Variants in CSMD1 observed in about 807,000 individuals in gnomAD.
The protein encoded by CSMD1 is CUB and sushi domain-containing protein 1.
Under a neutral mutation model 417.5 loss-of-function variants are expected in CSMD1, and 213 were observed. That is an observed-to-expected ratio of 0.51 (90% CI 0.46 to 0.57). CSMD1 has a LOEUF of 0.57. Ranked by LOEUF, CSMD1 falls within the 20% of genes least tolerant of loss-of-function variation. CSMD1 has a pLI of 0.00. For synonymous variants in CSMD1, 2,862 were observed against 1,736.8 expected (o/e 1.65, Z -16.11); for missense variants, 6,923 against 4,529.7 (o/e 1.53, Z -15.17).
chr8:2,962,402 G>A (rs1315964321), intron 61 of CSMD1, 64 bp downstream of exon 61: 74 of 1,424,498 alleles, frequency 5.2e-5, no homozygotes, highest in Non-Finnish European at 6.8e-5. Flanking sequence ...ACCCAATTTC[G>A]GAATGAAGCG....
At chr8:3,665,416 C>G (rs1276569119) in intron 7 of CSMD1, among the ~76,000 whole-genome samples, 3 of 152,110 alleles carry the variant, frequency 2.0e-5, no homozygotes, top group Non-Finnish European at 2.9e-5. Context: ...GTAATACCAG[C>G]TACTCCGGAG....
intron 12 of CSMD1, among the ~76,000 whole-genome samples, chr8:3,414,521 C>T (rs186150465): frequency 2.5e-4 from 38 of 152,218 alleles, no homozygotes; most frequent in Non-Finnish European, 4.1e-4. Context: ...GTCCTCTCAT[C>T]GCTCCCCATG....
At chr8:3,892,189 A>C (rs531797801) in intron 5 of CSMD1, among the ~76,000 whole-genome samples, 1 of 152,164 alleles carries the variant, frequency 6.6e-6, no homozygotes, top group Non-Finnish European at 1.5e-5. Context: ...CCTGCTTCCA[A>C]TGTGTAGCCC....
chr8:4,792,289 A>T (rs1035307815), intron 1 of CSMD1, among the ~76,000 whole-genome samples: 15 of 152,302 alleles, frequency 9.8e-5, no homozygotes, highest in Middle Eastern at 3.4e-3. Flanking sequence ...CACCCCTATA[A>T]AGGTGCATGG....
intron 1 of CSMD1, among the ~76,000 whole-genome samples, chr8:4,943,997 T>C (rs373437442): frequency 4.6e-5 from 7 of 152,106 alleles, no homozygotes; most frequent in African/African-American, 1.7e-4. Flanking sequence ...GCGGTTGTAT[T>C]TGAGTAGTAA....
chr8:4,045,513 G>A (rs572746745), intron 3 of CSMD1, among the ~76,000 whole-genome samples: 17 of 152,296 alleles, frequency 1.1e-4, no homozygotes, highest in African/African-American at 1.9e-4. Context: ...CAGATCCAGG[G>A]ACATCATGGG....
chr8:4,376,386 T>G (rs745450861), intron 3 of CSMD1, among the ~76,000 whole-genome samples: 1 of 152,204 alleles, frequency 6.6e-6, no homozygotes, highest in Admixed American at 6.5e-5. Flanking sequence ...TAACCATATG[T>G]AACCCGTGCT....
chr8:4,493,869 C>T (rs903263308), intron 2 of CSMD1, among the ~76,000 whole-genome samples: 2 of 152,200 alleles, frequency 1.3e-5, no homozygotes, highest in Admixed American at 6.5e-5. Context: ...CATGACTGAC[C>T]TCATATAAAG....
At chr8:3,802,558 T>G (rs1478165480) in intron 5 of CSMD1, among the ~76,000 whole-genome samples, 1 of 152,162 alleles carries the variant, frequency 6.6e-6, no homozygotes, top group Non-Finnish European at 1.5e-5. Context: ...TGCCACCTAC[T>G]TAGTTAAGGG....
At chr8:4,965,812 C>A (rs1161744858) in intron 1 of CSMD1, among the ~76,000 whole-genome samples, 1 of 152,062 alleles carries the variant, frequency 6.6e-6, no homozygotes, top group Non-Finnish European at 1.5e-5. Flanking sequence ...CCAGAGACAT[C>A]TGGAACAAAA....
intron 28 of CSMD1, among the ~76,000 whole-genome samples, chr8:3,219,920 T>A (rs1361056924): frequency 6.6e-6 from 1 of 152,146 alleles, no homozygotes; most frequent in African/African-American, 2.4e-5. Context: ...ATTCTTACTT[T>A]TATTTTTACT....
At chr8:3,211,927 G>C (rs898994728) in intron 30 of CSMD1, among the ~76,000 whole-genome samples, 1 of 152,194 alleles carries the variant, frequency 6.6e-6, no homozygotes, top group African/African-American at 2.4e-5. Flanking sequence ...AGAGGGGGTG[G>C]AGGTGTGGCC....
chr8:3,341,719 A>G (rs1807667667), intron 23 of CSMD1, among the ~76,000 whole-genome samples: 1 of 152,210 alleles, frequency 6.6e-6, no homozygotes, highest in Non-Finnish European at 1.5e-5. Flanking sequence ...CAGTGGCAAG[A>G]GAACTGGAAG....
At chr8:4,243,179 T>C (rs1802502770) in intron 3 of CSMD1, among the ~76,000 whole-genome samples, 1 of 152,098 alleles carries the variant, frequency 6.6e-6, no homozygotes, top group Admixed American at 6.6e-5. Context: ...TGGAAGCCTC[T>C]GCTCTGGGCT....
At chr8:4,048,315 G>T (rs74608898) in intron 3 of CSMD1, among the ~76,000 whole-genome samples, 1 of 152,180 alleles carries the variant, frequency 6.6e-6, no homozygotes, top group African/African-American at 2.4e-5. Flanking sequence ...ACACAAAGAG[G>T]GGAGTCTTTC....
At chr8:4,897,776 C>T (rs1804600876) in intron 1 of CSMD1, among the ~76,000 whole-genome samples, 1 of 151,984 alleles carries the variant, frequency 6.6e-6, no homozygotes, top group Non-Finnish European at 1.5e-5. Flanking sequence ...TTTAAGAATT[C>T]AAGTTATATG....
chr8:2,994,171 A>AAAAAAAAAG (rs1320139624), intron 54 of CSMD1, among the ~76,000 whole-genome samples: 3 of 131,320 alleles, frequency 2.3e-5, no homozygotes, highest in African/African-American at 8.8e-5. Flanking sequence ...AAAAAAAAAA[A>AAAAAAAAAG]GCAAGAAGAA....
At chr8:4,374,070 T>A (rs181535335) in intron 3 of CSMD1, among the ~76,000 whole-genome samples, 2 of 152,138 alleles carry the variant, frequency 1.3e-5, no homozygotes, top group African/African-American at 2.4e-5. Context: ...ATATAATCAA[T>A]AATGAAGTGT....
intron 5 of CSMD1, among the ~76,000 whole-genome samples, chr8:3,830,090 C>A (rs963543175): frequency 2.6e-5 from 4 of 152,092 alleles, no homozygotes; most frequent in African/African-American, 9.7e-5. Context: ...TTCTTCTGTG[C>A]CCGTTTTCTT....
Sources: gnomAD v4.1 joint callset for allele counts (sites outside exome capture counted in the v4.1 genomes callset) on GRCh38, gnomAD v4.1.1 for gene constraint, MANE v1.5 for transcripts, NCBI Gene and HGNC (gene_info 2026-07-23, HGNC 2026-07-21) for gene names.